Variants in LIN54 observed in about 807,000 individuals in gnomAD.
LIN54 encodes protein lin-54 homolog.
LIN54 carries 9 observed loss-of-function variants against 78.7 expected under a neutral mutation model. That is an observed-to-expected ratio of 0.11 (90% confidence interval 0.07 to 0.20). The LOEUF is 0.20. Among genes scored for constraint, LIN54 ranks in the 10% least tolerant of loss-of-function variants. The pLI is 1.00. For synonymous variants in LIN54, 269 were observed against 318.4 expected, an observed-to-expected ratio of 0.84 and a Z score of 1.65; for missense variants, 573 against 889.9, an observed-to-expected ratio of 0.64 and a Z score of 4.53.
rs200247027 is a variant in LIN54, at chr4:82,947,269, G to A, written c.952-795C>T. On this transcript the variant is annotated intron_variant, in intron 4 of 12. Coordinates refer to ENST00000340417, the MANE Select transcript of LIN54 (RefSeq NM_194282.4). Reference sequence around the variant, plus strand: ...TTTTTTGAAGACAGGGTCTCATTCTGTCACCCAGGCTGGAGTGCAGTAGTG... The same window carrying A: ...TTTTTTGAAGACAGGGTCTCATTCTATCACCCAGGCTGGAGTGCAGTAGTG... 3.4e-4 allele frequency among the ~76,000 whole-genome samples: 36 copies of A among 107,028 alleles called. No individual in the cohort carries two copies. In the East Asian group the frequency reaches 7.7e-3, roughly 23 times the overall value. 70.2% of individuals were successfully genotyped at this position (107,028 alleles called of 152,430 possible). A position where few individuals can be genotyped will look rare whatever the true frequency, so the allele number is the denominator to read the frequency against.
At chr4:82,974,086 T>G (rs1725924735) in intron 3 of LIN54, among the ~76,000 whole-genome samples, 1 of 152,022 alleles carries the variant, frequency 6.6e-6, no homozygotes, top group South Asian at 2.1e-4. Flanking sequence ...GGCAGGCACC[T>G]GTAGTCCCAG....
intron 1 of LIN54, among the ~76,000 whole-genome samples, chr4:83,007,889 A>T (rs1176871190): frequency 1.4e-5 from 2 of 145,774 alleles, no homozygotes; most frequent in African/African-American, 2.5e-5. Context: ...CATCTCATTT[A>T]AAAAAAAAAA....
intron 1 of LIN54, among the ~76,000 whole-genome samples, chr4:83,008,011 C>A (rs1223392366): frequency 6.6e-6 from 1 of 152,122 alleles, no homozygotes; most frequent in Non-Finnish European, 1.5e-5. Flanking sequence ...ATGACTCTAT[C>A]CTCCTGTAAC....
Position 82,984,597 on chromosome 4 carries a change from G to A in LIN54, c.248C>T (p.Thr83Ile). Residue 83 changes from threonine (T) to isoleucine (I), a missense_variant, in exon 2 of 13, where the codon ACT (threonine) becomes ATT (isoleucine). This residue lies in a region of LIN54 where 183 missense variants were observed against 228.4 expected (regional missense o/e 0.80). Coordinates refer to ENST00000340417, the MANE Select transcript of LIN54 (RefSeq NM_194282.4). The part of the protein sequence containing the change: ...TNQVAVNTTI[T>I]KADSNTTVKP... Reference sequence around the variant, plus strand: ...CACTGTGGTATTAGAATCTGCTTTAGTAATTGTGGTATTCACTGCAACTTG... The same window carrying A: ...CACTGTGGTATTAGAATCTGCTTTAATAATTGTGGTATTCACTGCAACTTG... The A allele has an allele frequency of 6.2e-7, 1 of 1,614,210 alleles. No homozygotes were observed. The highest frequency in any genetic ancestry group is 1.1e-5 in the South Asian group (1 of 91,088).
At chr4:82,978,778 T>A (rs1726378831) in intron 3 of LIN54, 105 bp downstream of exon 3, 2 of 617,682 alleles carry the variant, frequency 3.2e-6, no homozygotes, top group Admixed American at 6.1e-5. Flanking sequence ...TTTATAATAA[T>A]AAGCTATATT....
At chr4:83,007,181 A>G (rs1456060076) in intron 1 of LIN54, among the ~76,000 whole-genome samples, 2 of 152,056 alleles carry the variant, frequency 1.3e-5, no homozygotes, top group African/African-American at 2.4e-5. Context: ...ATAAATAAAA[A>G]GAAATTATAT....
intron 4 of LIN54, among the ~76,000 whole-genome samples, chr4:82,957,801 C>T (rs1350555592): frequency 1.3e-5 from 2 of 152,070 alleles, no homozygotes; most frequent in African/African-American, 4.8e-5. Context: ...TGTCATACTC[C>T]CTTCCCCCAC....
At chr4:82,971,862 CT>C (rs1284408997) in intron 3 of LIN54, among the ~76,000 whole-genome samples, 1 of 152,096 alleles carries the variant, frequency 6.6e-6, no homozygotes, top group Non-Finnish European at 1.5e-5. Flanking sequence ...ACTAAATTAT[CT>C]CTAGAATCTG....
intron 1 of LIN54, among the ~76,000 whole-genome samples, chr4:82,990,269 T>A (rs926669857): frequency 3.3e-5 from 5 of 152,174 alleles, no homozygotes; most frequent in African/African-American, 1.2e-4. Flanking sequence ...AGCCTAGTAA[T>A]CTTCCATGGA....
intron 1 of LIN54, among the ~76,000 whole-genome samples, chr4:83,005,809 AT>A (rs974152489): frequency 3.3e-5 from 5 of 152,184 alleles, no homozygotes; most frequent in African/African-American, 1.2e-4. Flanking sequence ...ACAAATGTTT[AT>A]GCCAGAAAGA....
At chr4:82,964,062 T>G (rs1046572338) in intron 4 of LIN54, among the ~76,000 whole-genome samples, 4 of 152,146 alleles carry the variant, frequency 2.6e-5, no homozygotes, top group African/African-American at 7.2e-5. Context: ...CCTCCTTTTT[T>G]TTTTTTGAGA....
chr4:82,966,278 C>A (rs1295622333), intron 4 of LIN54, among the ~76,000 whole-genome samples: 1 of 152,090 alleles, frequency 6.6e-6, no homozygotes, highest in African/African-American at 2.4e-5. Flanking sequence ...TCTGCCCAAG[C>A]CTATAGTACT....
At chr4:82,939,837 A>G in intron 6 of LIN54, 52 bp downstream of exon 6, 1 of 1,588,818 alleles carries the variant, frequency 6.3e-7, no homozygotes, top group South Asian at 1.1e-5. Context: ...TCTATTTAAA[A>G]AGTAAATCGT....
chr4:82,941,735 A>G lies in LIN54; in HGVS notation c.1169-1773T>C, dbSNP rs111979436. 2.4e-3 allele frequency among the ~76,000 whole-genome samples: 364 copies of G among 152,292 alleles called. 4 individuals are homozygous for G. The highest frequency in any genetic ancestry group is 8.3e-3 in the African/African-American group (345 of 41,558). ...AAGGACCATGACTTACCAACCACTG[A>G]ATGGTAGGAACTGTAGGTATAAGCG... On this transcript the variant is annotated intron_variant, in intron 5 of 12. Transcript: ENST00000340417.
chr4:82,942,856 GCGCGCACACACACA>G (rs1385135050), intron 5 of LIN54, among the ~76,000 whole-genome samples: 2,710 of 147,318 alleles, frequency 0.018, 38 homozygotes, highest in Non-Finnish European at 0.028. Flanking sequence ...GTGCGTGTGC[GCGCGCACACACACA>G]CACACACACA....
rs187701822 is a variant in LIN54 at position 82,957,915 on chromosome 4, T to C, written c.952-11441A>G. ...CACATAGTAAGCACTCAGTAAATAC[T>C]TGTTGTATGGTTAAAGAAGGAATAC... On this transcript the variant is annotated intron_variant, in intron 4 of 12. Coordinates refer to ENST00000340417, the MANE Select transcript of LIN54 (RefSeq NM_194282.4). Among the ~76,000 whole-genome samples, 5 of 152,320 alleles carry C rather than the reference T, an allele frequency of 3.3e-5. No individual in the cohort carries two copies. In the East Asian group the frequency reaches 7.7e-4, roughly 23 times the overall value.
intron 1 of LIN54, among the ~76,000 whole-genome samples, chr4:83,004,853 T>TA (rs985652902): frequency 1.6e-4 from 24 of 152,292 alleles, no homozygotes; most frequent in Non-Finnish European, 2.6e-4. Context: ...TAATTTTTTT[T>TA]ACATTGGTTT....
In LIN54 at chr4:82,953,055, C is replaced by T. The variant is rs74972589; in HGVS notation, c.952-6581G>A. Among the ~76,000 whole-genome samples, 1,050 of 152,280 alleles carry T rather than the reference C, an allele frequency of 6.9e-3. 16 individuals are homozygous for T. The highest frequency in any genetic ancestry group is 0.024 in the African/African-American group (1,009 of 41,562). On this transcript the variant is annotated intron_variant, in intron 4 of 12. Coordinates refer to ENST00000340417, the MANE Select transcript of LIN54 (RefSeq NM_194282.4). ...AGTGGTGCAATAGCTTAGGCACTCG[C>T]GAGGCAGCGATTGCTGCCTCAACTT...
Position 82,984,834 on chromosome 4 carries a change from A to G in LIN54, c.11T>C (p.Val4Ala). ...AAGCAAACTATTCACCTCAGCTGGCACCACCTCCATGATCGTTCTCCCGCT... is the reference window on the plus strand; with the variant it reads ...AAGCAAACTATTCACCTCAGCTGGCGCCACCTCCATGATCGTTCTCCCGCT... MEV[V>A]PAEVNSLLPE... is the part of the protein sequence containing the mutation. The change falls in exon 2 of 13, where the codon GTG (valine) becomes GCG (alanine). Residue 4 changes from valine to alanine, a missense_variant. Transcript: ENST00000340417. 1 of 1,608,838 alleles carries G rather than the reference A, an allele frequency of 6.2e-7. No individual in the cohort carries two copies. The highest frequency in any genetic ancestry group is 8.5e-7 in the Non-Finnish European group (1 of 1,177,382).
Sources: gnomAD v4.1 joint callset for allele counts (sites outside exome capture counted in the v4.1 genomes callset) on GRCh38, gnomAD v4.1.1 for gene constraint, gnomAD v4.1.1 regional missense constraint, MANE v1.5 for transcripts, NCBI Gene and HGNC (gene_info 2026-07-23, HGNC 2026-07-21) for gene names.